The following MIPEP variants were observed in gnomAD, a reference collection of about 807,000 sequenced individuals.
MIPEP encodes mitochondrial intermediate peptidase.
A neutral mutation model predicts 90.3 loss-of-function variants in MIPEP; 79 were observed. That is an observed-to-expected ratio of 0.87 (90% CI 0.73 to 1.05). The LOEUF (loss-of-function observed/expected upper bound fraction) is 1.05, where lower values mean the gene tolerates loss of function less well. MIPEP is among the 50% of genes least tolerant of loss of function. The pLI is 0.00. For missense variants in MIPEP, 940 were observed against 905.6 expected, an observed-to-expected ratio of 1.04 and a Z score of -0.49; for synonymous variants, 334 against 315.8, an observed-to-expected ratio of 1.06 and a Z score of -0.61.
At chr13:23,769,881 G>A (rs1952631021) in intron 16 of MIPEP, among the ~76,000 whole-genome samples, 1 of 152,120 alleles carries the variant, frequency 6.6e-6, no homozygotes. Flanking sequence ...TATCATGGGA[G>A]TGGGACTGGT....
intron 10 of MIPEP, among the ~76,000 whole-genome samples, chr13:23,854,144 T>C (rs963945249): frequency 1.7e-4 from 25 of 149,468 alleles, no homozygotes; most frequent in Non-Finnish European, 1.6e-4. Context: ...GCTAACACGG[T>C]GAAACCTCGT....
chr13:23,831,383 C>CCGGGTG (rs58008469), intron 14 of MIPEP, among the ~76,000 whole-genome samples: 2 of 40,922 alleles, frequency 4.9e-5, no homozygotes, highest in East Asian at 4.7e-4. Context: ...TTCCCCATGG[C>CCGGGTG]GGGGGGGGGA....
chr13:23,888,688 C>A (rs1593215317), intron 1 of MIPEP: 1 of 993,684 alleles, frequency 1.0e-6, no homozygotes, highest in Non-Finnish European at 1.2e-6. Flanking sequence ...CATTACTCGA[C>A]TGCAGGCAGC....
At chr13:23,790,020 T>C (rs1328886620) in intron 16 of MIPEP, among the ~76,000 whole-genome samples, 1 of 152,208 alleles carries the variant, frequency 6.6e-6, no homozygotes, top group East Asian at 1.9e-4. Flanking sequence ...CCTTTCACCT[T>C]TTTATTCTAA....
intron 16 of MIPEP, among the ~76,000 whole-genome samples, chr13:23,785,624 T>TAAAAAAAAAAAAAAA (rs67915328): frequency 4.2e-5 from 5 of 119,252 alleles, no homozygotes; most frequent in African/African-American, 7.2e-5. Context: ...TAAAGTATAA[T>TAAAAAAAAAAAAAAA]AAAAAAAAAA....
chr13:23,756,203 G>A (rs1011962735), intron 18 of MIPEP, among the ~76,000 whole-genome samples: 2 of 152,150 alleles, frequency 1.3e-5, no homozygotes, highest in African/African-American at 2.4e-5. Context: ...TGCCCAGGCT[G>A]GAGTGCAATG....
intron 14 of MIPEP, among the ~76,000 whole-genome samples, chr13:23,810,925 A>C (rs1953164270): frequency 6.6e-6 from 1 of 152,188 alleles, no homozygotes; most frequent in South Asian, 2.1e-4. Flanking sequence ...TTCTCTTTCC[A>C]TTTGGCAGCA....
chr13:23,888,454 ACAGGCAT>A (rs1340519621), intron 1 of MIPEP, among the ~76,000 whole-genome samples: 6 of 152,150 alleles, frequency 3.9e-5, no homozygotes, highest in Non-Finnish European at 8.8e-5. Context: ...TCCAAGTAGA[ACAGGCAT>A]CAGGTAAGTC....
intron 14 of MIPEP, among the ~76,000 whole-genome samples, chr13:23,822,892 C>T (rs376057429): frequency 2.6e-4 from 37 of 144,402 alleles, no homozygotes; most frequent in African/African-American, 9.1e-4. Flanking sequence ...CTGGGCGCTT[C>T]TTTTTTTTTT....
At chr13:23,731,968 ATTTTTTT>A (rs57109674) in intron 18 of MIPEP, among the ~76,000 whole-genome samples, 2,592 of 97,878 alleles carry the variant, frequency 0.026, 115 homozygotes, top group African/African-American at 0.094. Flanking sequence ...AGAATAGCTA[ATTTTTTT>A]TTTTTTTTTT....
chr13:23,730,453 CAAAGG>C lies in MIPEP; in HGVS notation c.2045-13_2045-9del. The C allele has an allele frequency of 6.2e-7, 1 of 1,601,162 alleles. No homozygotes were observed. Among genetic ancestry groups the C allele is most frequent in the South Asian group, 1.1e-5 (1 of 90,078 alleles). On this transcript the variant is annotated splice_polypyrimidine_tract_variant and intron_variant, in intron 18 of 18. Transcript: ENST00000382172. The stretch of plus-strand genomic sequence containing the variant: ...GACACTTCTGAAGCATACCTGCAAA[CAAAGG>C]AAAGGTCAGAACTGCGTTCACCAGG...
intron 15 of MIPEP, among the ~76,000 whole-genome samples, chr13:23,809,283 G>A (rs9551009): frequency 0.19 from 28,552 of 151,922 alleles, 3,141 homozygotes; most frequent in Non-Finnish European, 0.25. Context: ...CTGGCAAAAT[G>A]TGTGATTTAG....
intron 16 of MIPEP, among the ~76,000 whole-genome samples, chr13:23,780,830 G>A (rs543058594): frequency 3.3e-5 from 5 of 152,190 alleles, no homozygotes; most frequent in African/African-American, 1.2e-4. Context: ...TAGCCCATTC[G>A]ATCAACTGGA....
intron 14 of MIPEP, among the ~76,000 whole-genome samples, chr13:23,831,126 C>G (rs1868715835): frequency 6.6e-6 from 1 of 152,100 alleles, no homozygotes; most frequent in African/African-American, 2.4e-5. Flanking sequence ...ATTCACACAT[C>G]TGGGGAAAAT....
chr13:23,847,477 A>AC (rs947134007), intron 10 of MIPEP, among the ~76,000 whole-genome samples: 1 of 151,788 alleles, frequency 6.6e-6, no homozygotes, highest in Non-Finnish European at 1.5e-5. Context: ...AAAAAAAAAA[A>AC]AAACCCAAAC....
chr13:23,836,771 C>CT (rs1869071665), intron 13 of MIPEP, among the ~76,000 whole-genome samples: 7 of 152,222 alleles, frequency 4.6e-5, no homozygotes, highest in Admixed American at 2.0e-4. Flanking sequence ...CCATTTATTG[C>CT]TTTTTGTAAC....
intron 10 of MIPEP, among the ~76,000 whole-genome samples, chr13:23,846,923 C>T (rs1216863962): frequency 6.6e-6 from 1 of 152,096 alleles, no homozygotes; most frequent in African/African-American, 2.4e-5. Context: ...CATTTAACAG[C>T]AAAAACGATC....
intron 3 of MIPEP, among the ~76,000 whole-genome samples, chr13:23,880,361 C>A (rs958390275): frequency 6.6e-6 from 1 of 152,200 alleles, no homozygotes; most frequent in Non-Finnish European, 1.5e-5. Flanking sequence ...CACGGAGCCA[C>A]TCCATGGCAA....
At chr13:23,877,324 T>C (rs1361699320) in intron 4 of MIPEP, among the ~76,000 whole-genome samples, 1 of 152,208 alleles carries the variant, frequency 6.6e-6, no homozygotes, top group African/African-American at 2.4e-5. Flanking sequence ...CTAGGTGTTG[T>C]GTATGTTGCG....
Sources: allele counts gnomAD v4.1 joint callset (sites outside exome capture counted in the v4.1 genomes callset), GRCh38; gene constraint gnomAD v4.1.1; transcripts MANE v1.5; gene names NCBI Gene and HGNC (gene_info 2026-07-23, HGNC 2026-07-21).